ZFHX3: variants seen among roughly 807,000 people sequenced by gnomAD.
The protein encoded by ZFHX3 is zinc finger homeobox 3, also known as zinc finger homeobox protein 3.
ZFHX3 carries 42 observed loss-of-function variants against 279.1 expected under a neutral mutation model. That is an observed-to-expected ratio of 0.15 (90% CI 0.12 to 0.19). The LOEUF is 0.19. Among genes scored for constraint, ZFHX3 ranks in the 10% least tolerant of loss-of-function variants. The pLI is 1.00. For synonymous variants in ZFHX3, 2,293 were observed against 1,957.8 expected (o/e 1.17, Z -4.52); for missense variants, 4,981 against 4,754.0 (o/e 1.05, Z -1.40).
At chr16:73,132,137 T>A (rs1966696062) in intron 6 of ZFHX3, among the ~76,000 whole-genome samples, 1 of 152,032 alleles carries the variant, frequency 6.6e-6, no homozygotes, top group Non-Finnish European at 1.5e-5. Context: ...ATTTAAAAAT[T>A]AGCCCCATGA....
Position 72,787,040 on chromosome 16 carries a change from T to C in ZFHX3, c.*124A>G, listed in dbSNP as rs1333861964. On this transcript the variant is annotated 3_prime_UTR_variant, in exon 10 of 10. Transcript: ENST00000268489. ...CAACCCACGCTTTTTCTTTTTTTTC[T>C]TTTTTTTTTTTTTTTTGTTTTTTGG... 5.4e-5 allele frequency: 9 copies of C among 167,588 alleles called. No individual in the cohort carries two copies. Among genetic ancestry groups the C allele is most frequent in the East Asian group, 5.5e-4 (2 of 3,604 alleles). The allele number at this position is 167,588 out of a possible 1,614,324, so 10.4% of individuals were successfully genotyped here. A position where few individuals can be genotyped will look rare whatever the true frequency, so the allele number is the denominator to read the frequency against.
chr16:73,092,920 C>A (rs376916838), intron 8 of ZFHX3: 1 of 519,940 alleles, frequency 1.9e-6, no homozygotes, highest in African/African-American at 1.9e-5. Flanking sequence ...CCCAGCCACC[C>A]ATGCTAGTTG....
chr16:73,416,574 G>C (rs1324298131), intron 3 of ZFHX3, among the ~76,000 whole-genome samples: 1 of 152,128 alleles, frequency 6.6e-6, no homozygotes, highest in Non-Finnish European at 1.5e-5. Context: ...CAATTTAGCA[G>C]ACGAAAGTTG....
chr16:72,953,068 C>T (rs977538193), intron 2 of ZFHX3, among the ~76,000 whole-genome samples: 1 of 152,090 alleles, frequency 6.6e-6, no homozygotes, highest in African/African-American at 2.4e-5. Context: ...CTTATTGACG[C>T]TACACAAGTC....
chr16:73,604,607 A>C (rs1013952840), intron 2 of ZFHX3, among the ~76,000 whole-genome samples: 1 of 152,226 alleles, frequency 6.6e-6, no homozygotes, highest in East Asian at 1.9e-4. Flanking sequence ...TTAGCTGAGC[A>C]TGGTGGCAGA....
intron 3 of ZFHX3, among the ~76,000 whole-genome samples, chr16:73,455,264 G>A (rs1008957199): frequency 1.3e-5 from 2 of 152,148 alleles, no homozygotes; most frequent in African/African-American, 4.8e-5. Flanking sequence ...ATGCTTCCCA[G>A]GAACTTTACA....
intron 2 of ZFHX3, among the ~76,000 whole-genome samples, chr16:73,669,480 T>C (rs1336332214): frequency 3.3e-5 from 5 of 152,244 alleles, no homozygotes; most frequent in Middle Eastern, 3.2e-3. Context: ...CTGGTGCTCC[T>C]GTGTGACCAA....
chr16:73,473,339 C>CAAAAAAAAAAAAAAAA (rs11347779), intron 2 of ZFHX3, among the ~76,000 whole-genome samples: 735 of 76,608 alleles, frequency 9.6e-3, no homozygotes, highest in Non-Finnish European at 0.01. Context: ...TGTCTCAAAG[C>CAAAAAAAAAAAAAAAA]AAAAAAAAAA....
intron 3 of ZFHX3, among the ~76,000 whole-genome samples, chr16:72,932,030 T>C (rs1368789325): frequency 6.6e-6 from 1 of 152,250 alleles, no homozygotes. Flanking sequence ...TTTATTTTTT[T>C]AGAGTGAATA....
In ZFHX3 at chr16:73,616,906, T is replaced by C. The variant is rs747566647; in HGVS notation, c.-1547+63274A>G. On this transcript the variant is annotated intron_variant, in intron 2 of 17. Coordinates refer to the ZFHX3 transcript ENST00000641206. ...CTATTGTAGCAAGCTAATTCCCTTCTTCCACATGCGATTCAGAGAGAAAGG... is the reference window on the plus strand; with the variant it reads ...CTATTGTAGCAAGCTAATTCCCTTCCTCCACATGCGATTCAGAGAGAAAGG... Among the ~76,000 whole-genome samples the C allele has an allele frequency of 2.6e-5, 4 of 152,208 alleles. 1 individual carries two copies. The highest frequency in any genetic ancestry group is 6.5e-5 in the Admixed American group (1 of 15,284).
intron 2 of ZFHX3, among the ~76,000 whole-genome samples, chr16:73,471,448 G>A (rs1413647918): frequency 1.3e-5 from 2 of 150,942 alleles, no homozygotes; most frequent in African/African-American, 2.4e-5. Flanking sequence ...CACTCTTGTC[G>A]CCCAGGCTGA....
At chr16:73,390,107 G>A (rs1193497357) in intron 3 of ZFHX3, among the ~76,000 whole-genome samples, 1 of 151,996 alleles carries the variant, frequency 6.6e-6, no homozygotes, top group Non-Finnish European at 1.5e-5. Context: ...GTATCTGGAG[G>A]TAACTGGCAT....
chr16:73,457,310 G>A (rs1194074307), intron 2 of ZFHX3, among the ~76,000 whole-genome samples: 1 of 152,188 alleles, frequency 6.6e-6, no homozygotes, highest in East Asian at 1.9e-4. Context: ...GAGACCATGA[G>A]GTCTGGTCTT....
intron 2 of ZFHX3, among the ~76,000 whole-genome samples, chr16:73,610,378 A>T (rs2052233092): frequency 6.6e-6 from 1 of 152,184 alleles, no homozygotes; most frequent in South Asian, 2.1e-4. Flanking sequence ...CTTCAAACAC[A>T]TATGAATGTC....
chr16:73,212,419 A>G (rs1237798821), intron 5 of ZFHX3, among the ~76,000 whole-genome samples: 2 of 152,222 alleles, frequency 1.3e-5, no homozygotes, highest in African/African-American at 4.8e-5. Context: ...GTAGTATGTT[A>G]GCATGTAGAC....
Position 73,871,617 on chromosome 16 carries a change from A to G in ZFHX3, c.-1608+20034T>C, listed in dbSNP as rs9938409. On this transcript the variant is annotated intron_variant, in intron 1 of 17. Coordinates refer to the ZFHX3 transcript ENST00000641206. ...TCTCCCATAATTTGCTAATGGTGAA[A>G]TAAATTAGTGACCAAATAATAACCT... Among the ~76,000 whole-genome samples, 848 of 152,286 alleles carry G rather than the reference A, an allele frequency of 5.6e-3. 8 individuals carry two copies. Among genetic ancestry groups the G allele is most frequent in the African/African-American group, 0.019 (784 of 41,564 alleles).
At chr16:73,156,856 G>C (rs1967097946) in intron 5 of ZFHX3, among the ~76,000 whole-genome samples, 1 of 152,066 alleles carries the variant, frequency 6.6e-6, no homozygotes, top group Admixed American at 6.6e-5. Flanking sequence ...TGGGATTACA[G>C]GCACGTGCCG....
chr16:73,813,861 A>C (rs1960491453), intron 1 of ZFHX3: 1 of 152,230 alleles, frequency 6.6e-6, no homozygotes, highest in Non-Finnish European at 1.5e-5. Context: ...GCTGCAGGCA[A>C]GATTTGTTCC....
intron 5 of ZFHX3, among the ~76,000 whole-genome samples, chr16:73,213,538 C>T (rs956419649): frequency 5.3e-5 from 8 of 151,578 alleles, no homozygotes; most frequent in Non-Finnish European, 1.0e-4. Context: ...AAGAAAAACA[C>T]GTTAATAATC....
Sources: allele counts gnomAD v4.1 joint callset (sites outside exome capture counted in the v4.1 genomes callset), GRCh38; gene constraint gnomAD v4.1.1; transcripts MANE v1.5; gene names NCBI Gene and HGNC (gene_info 2026-07-23, HGNC 2026-07-21).